Variants in ZNF362 observed in about 807,000 individuals in gnomAD.
ZNF362 encodes rotund homolog.
A neutral mutation model predicts 42.9 loss-of-function variants in ZNF362; 11 were observed. The observed-to-expected ratio is 0.26, with a 90% CI of 0.16 to 0.42. ZNF362 has a LOEUF of 0.42. Ranked by LOEUF, ZNF362 falls within the 20% of genes least tolerant of loss-of-function variation. ZNF362 has a pLI of 1.00. For synonymous variants in ZNF362, 255 were observed against 257.3 expected, an observed-to-expected ratio of 0.99 and a Z score of 0.09; for missense variants, 362 against 576.2, an observed-to-expected ratio of 0.63 and a Z score of 3.81.
chr1:33,289,519 ACTTACTGGT>A (rs897486283), intron 6 of ZNF362, among the ~76,000 whole-genome samples: 3 of 152,098 alleles, frequency 2.0e-5, no homozygotes, highest in Non-Finnish European at 4.4e-5. Flanking sequence ...CAGAGGGGCA[ACTTACTGGT>A]CAAGAGGGCT....
the ZNF362 span, among the ~76,000 whole-genome samples, chr1:33,231,439 G>A: frequency 1.3e-5 from 2 of 152,168 alleles, no homozygotes; most frequent in African/African-American, 2.4e-5. Flanking sequence ...GCACGGAGAC[G>A]TCAAACAAAT....
At chr1:33,227,712 G>A in the ZNF362 span, among the ~76,000 whole-genome samples, 1 of 152,160 alleles carries the variant, frequency 6.6e-6, no homozygotes, top group Non-Finnish European at 1.5e-5. Flanking sequence ...TTGCTATGCA[G>A]CAACAGATTG....
At chr1:33,161,578 C>A in the ZNF362 span, among the ~76,000 whole-genome samples, 1 of 152,076 alleles carries the variant, frequency 6.6e-6, no homozygotes, top group East Asian at 1.9e-4. The surrounding 1 kb of genome is among the most constrained non-coding windows in gnomAD (Gnocchi z 4.3). Flanking sequence ...ACCCAGAACG[C>A]CAGGCAGACA....
chr1:33,224,313 A>G, the ZNF362 span, among the ~76,000 whole-genome samples: 2 of 152,240 alleles, frequency 1.3e-5, no homozygotes, highest in Non-Finnish European at 2.9e-5. Context: ...AAAACTCAAT[A>G]GATGGGTTTG....
At chr1:33,158,112 C>G in the ZNF362 span, 60 of 669,944 alleles carry the variant, frequency 9.0e-5, 2 homozygotes, top group Admixed American at 1.5e-3. Context: ...GTGCCCAGGA[C>G]AGGTCCTGGA....
rs1645980068 is a variant in ZNF362 at position 33,280,059 on chromosome 1, G to A, written c.350-65G>A. 2 of 1,497,610 alleles carry A rather than the reference G, an allele frequency of 1.3e-6. No homozygotes were observed. The highest frequency in any genetic ancestry group is 1.8e-6 in the Non-Finnish European group (2 of 1,123,248). 92.8% of individuals were successfully genotyped at this position (1,497,610 alleles called of 1,614,324 possible). ...CTCGCCTGCCAAAATCACATAGCTGGGTGGGCAGCTGAGCTGGCCTCTGCA... is the reference window on the plus strand; with the variant it reads ...CTCGCCTGCCAAAATCACATAGCTGAGTGGGCAGCTGAGCTGGCCTCTGCA... On this transcript the variant is annotated intron_variant, in intron 4 of 8. Transcript: ENST00000539719. The surrounding 1 kb of genome is among the most constrained non-coding windows in gnomAD (Gnocchi z 5.6).
chr1:33,227,338 T>C, the ZNF362 span, among the ~76,000 whole-genome samples: 17 of 152,282 alleles, frequency 1.1e-4, no homozygotes, highest in South Asian at 3.3e-3. Context: ...GAAGTGACCC[T>C]CTGTGACTTC....
At position 33,294,212 on chromosome 1, in the gene ZNF362, T is replaced by C. The variant is rs140595885; in HGVS notation, c.909-725T>C. On this transcript the variant is annotated intron_variant, in intron 6 of 8. Coordinates refer to ENST00000539719, the MANE Select transcript of ZNF362 (RefSeq NM_152493.3). The surrounding 1 kb of genome is among the most constrained non-coding windows in gnomAD (Gnocchi z 4.2). ...ACTAGGCTAAGCCCTTTACATGCAT[T>C]ATCTGATGTTATCTTCACAAAGCCC... 2.2e-4 allele frequency among the ~76,000 whole-genome samples: 34 copies of C among 152,328 alleles called. No homozygotes were observed. Among genetic ancestry groups the C allele is most frequent in the African/African-American group, 7.9e-4 (33 of 41,576 alleles).
At chr1:33,136,423 C>T in the ZNF362 span, among the ~76,000 whole-genome samples, 1 of 151,412 alleles carries the variant, frequency 6.6e-6, no homozygotes, top group Non-Finnish European at 1.5e-5. Context: ...GGCTGGAGTG[C>T]AGTGGCACAA....
chr1:33,189,722 T>TATATATATATATATATAGATAC, the ZNF362 span, among the ~76,000 whole-genome samples: 1 of 102,962 alleles, frequency 9.7e-6, no homozygotes, highest in Non-Finnish European at 1.9e-5. Context: ...TATATATACA[T>TATATATATATATATATAGATAC]ACACACATAC....
At chr1:33,286,564 CAA>C (rs1457819480) in intron 6 of ZNF362, among the ~76,000 whole-genome samples, 2 of 151,690 alleles carry the variant, frequency 1.3e-5, no homozygotes, top group Non-Finnish European at 2.9e-5. Context: ...AAACAAACAA[CAA>C]AAGAGGATTC....
the ZNF362 span, among the ~76,000 whole-genome samples, chr1:33,230,436 A>G: frequency 6.6e-6 from 1 of 152,196 alleles, no homozygotes; most frequent in Non-Finnish European, 1.5e-5. Context: ...TTACCAAGGA[A>G]AGGAAAAGCA....
At chr1:33,180,650 G>C in the ZNF362 span, among the ~76,000 whole-genome samples, 1 of 152,128 alleles carries the variant, frequency 6.6e-6, no homozygotes, top group East Asian at 1.9e-4. Context: ...CCCTGCCTTT[G>C]CCCAACTCTG....
chr1:33,210,787 C>T, the ZNF362 span, among the ~76,000 whole-genome samples: 1 of 152,064 alleles, frequency 6.6e-6, no homozygotes, highest in Non-Finnish European at 1.5e-5. Flanking sequence ...GGTAGACCTT[C>T]CTCCATCCCT....
chr1:33,198,588 G>T, the ZNF362 span, among the ~76,000 whole-genome samples: 1 of 152,090 alleles, frequency 6.6e-6, no homozygotes, highest in Non-Finnish European at 1.5e-5. Flanking sequence ...GATCACTTGA[G>T]CCTGGGAGGT....
At chr1:33,258,437 G>A (rs990103311) in intron 1 of ZNF362, among the ~76,000 whole-genome samples, 1 of 152,198 alleles carries the variant, frequency 6.6e-6, no homozygotes, top group Admixed American at 6.5e-5. Context: ...AGCCAGAGTC[G>A]GGGGTTGAAA....
chr1:33,252,329 G>A (rs551572959), upstream of ZNF362, among the ~76,000 whole-genome samples: 23 of 151,824 alleles, frequency 1.5e-4, no homozygotes, highest in Non-Finnish European at 3.1e-4. Flanking sequence ...TCCAGCCTGG[G>A]CAACAAGAGT....
the ZNF362 span, among the ~76,000 whole-genome samples, chr1:33,137,171 G>T: frequency 0.18 from 27,699 of 151,914 alleles, 3,007 homozygotes; most frequent in South Asian, 0.29. Flanking sequence ...AGCAAGGGAA[G>T]AATGATCCCT....
At chr1:33,190,958 G>C in the ZNF362 span, among the ~76,000 whole-genome samples, 2 of 152,202 alleles carry the variant, frequency 1.3e-5, no homozygotes, top group Non-Finnish European at 2.9e-5. Context: ...GCTGAATCCA[G>C]TTTGCAGTTT....
Sources: allele counts gnomAD v4.1 joint callset (sites outside exome capture counted in the v4.1 genomes callset), GRCh38; gene constraint gnomAD v4.1.1; non-coding constraint Gnocchi (gnomAD v3.1); transcripts MANE v1.5; gene names NCBI Gene and HGNC (gene_info 2026-07-23, HGNC 2026-07-21).